MXRA5: variants seen among roughly 807,000 people sequenced by gnomAD.
The protein encoded by MXRA5 is matrix remodeling associated 5.
A neutral mutation model predicts 112.5 loss-of-function variants in MXRA5; 41 were observed. The ratio of observed to expected loss-of-function variants is 0.36; its 90% confidence interval spans 0.28 to 0.47. The LOEUF (loss-of-function observed/expected upper bound fraction) is 0.47. Ranked by LOEUF, MXRA5 falls within the 20% of genes least tolerant of loss-of-function variation. The pLI is 0.99. For missense variants in MXRA5, 2,150 were observed against 2,251.0 expected (o/e 0.96, Z 0.91); for synonymous variants, 862 against 900.8 (o/e 0.96, Z 0.77).
Position 3,317,964 on chromosome X carries a change from T to C in MXRA5, c.5717A>G (p.Glu1906Gly), listed in dbSNP as rs1921197459. 1 of 1,207,303 alleles carries C rather than the reference T, an allele frequency of 8.3e-7. No homozygotes were observed. Reference protein sequence around the residue: ...MTPNTRIQRFEVLKNGTLVIR... With the variant: ...MTPNTRIQRFGVLKNGTLVIR... ...CACTAAGGTACCGTTCTTGAGAACC[T>C]CAAACCGTTGTATCCTGGTATTCGG... is the stretch of plus-strand genomic sequence containing the variant. The change falls in exon 6 of 7, where the codon GAG becomes GGG. Residue 1906 changes from glutamate (E) to glycine (G), a missense_variant. Around this residue, in one of 6 missense-constraint regions of MXRA5, gnomAD observed 1,485 missense variants for 1,471.6 expected, o/e 1.01. Coordinates refer to ENST00000217939, the MANE Select transcript of MXRA5 (RefSeq NM_015419.4).
rs1035250212 is a variant in MXRA5, at chrX:3,321,619, G to A, written c.4066C>T (p.Arg1356Cys). 11 of 1,209,526 alleles carry A rather than the reference G, an allele frequency of 9.1e-6. No individual in the cohort carries two copies. The East Asian group carries it at 1.8e-4, about 20-fold the overall frequency. ...TCTCCCATAGTGGAGACCAAGGAGC[G>A]AGAAGTTGGTATGGCATTAGTAATT... ...ESITNAIPTS[R>C]SLVSTMGEFK... Residue 1356 changes from arginine (R) to cysteine (C), a missense_variant, in exon 5 of 7, where the codon CGC becomes TGC. Physicochemically the swap from Arg to Cys is radical, Grantham distance 180. Coordinates refer to ENST00000217939, the MANE Select transcript of MXRA5 (RefSeq NM_015419.4).
rs768855439 is a variant in MXRA5 at position 3,321,586 on chromosome X, C to A, written c.4099G>T (p.Glu1367Ter). Reference sequence around the variant, plus strand: ...GGAAAGCCTACAGGAGAGGATTCTTCCTTAAATTCTCCCATAGTGGAGACC... The same window carrying A: ...GGAAAGCCTACAGGAGAGGATTCTTACTTAAATTCTCCCATAGTGGAGACC... ...SLVSTMGEFKEESSPVGFPGT... is the reference protein window; with the variant it reads ...SLVSTMGEFK Residue 1367 changes from glutamate to a stop codon, truncating the protein, a stop_gained, in exon 5 of 7, where the codon GAA (glutamate) becomes TAA (stop). Coordinates refer to ENST00000217939, the MANE Select transcript of MXRA5 (RefSeq NM_015419.4). LOFTEE classifies it high-confidence loss of function. The A allele has an allele frequency of 8.3e-7, 1 of 1,210,485 alleles. No individual in the cohort carries two copies.
At chrX:3,345,125 C>G (rs932094925) in intron 1 of MXRA5, among the ~76,000 whole-genome samples, 2 of 111,849 alleles carry the variant, frequency 1.8e-5, no homozygotes, top group Non-Finnish European at 1.9e-5. Flanking sequence ...AAGAGCGAAA[C>G]TCCGTCTCAA....
chrX:3,320,082 T>C lies in MXRA5; in HGVS notation c.5603A>G (p.Glu1868Gly), dbSNP rs1345831889. 1 of 1,209,616 alleles carries C rather than the reference T, an allele frequency of 8.3e-7. No individual in the cohort carries two copies. Among genetic ancestry groups the C allele is most frequent in the Non-Finnish European group, 1.1e-6 (1 of 895,037 alleles). Reference protein sequence around the residue: ...KSPQTVSVTAETDTVFPCEAT... With the variant: ...KSPQTVSVTAGTDTVFPCEAT... ...CTCACAGGGGAACACAGTGTCTGTC[T>C]CAGCGGTGACGGACACAGTCTGTGG... Residue 1868 changes from glutamate (E) to glycine (G), a missense_variant, in exon 5 of 7, where the codon GAG becomes GGG. By Grantham distance (98) the Glu-to-Gly change is moderately conservative (BLOSUM62 -2). This residue lies in a region of MXRA5 where 1,485 missense variants were observed against 1,471.6 expected (regional missense o/e 1.01). Transcript: ENST00000217939.
rs780074694 is a variant in MXRA5 at position 3,330,182 on chromosome X, A to G, written c.545T>C (p.Leu182Pro). The G allele has an allele frequency of 2.5e-6, 3 of 1,208,873 alleles. No homozygotes were observed. Among genetic ancestry groups the G allele is most frequent in the Non-Finnish European group, 3.4e-6 (3 of 894,028 alleles). The change falls in exon 4 of 7, where the codon CTC (leucine) becomes CCC (proline). Residue 182 changes from leucine to proline, a missense_variant. Leu to Pro is a moderately conservative substitution (Grantham distance 98). Transcript: ENST00000217939. The stretch of plus-strand genomic sequence containing the variant: ...TAAGTAGAGGTGCCTTATGGTGGAG[A>G]GTCTGAAATAATCCAAAAATGTGAA... ...STFTFLDYFR[L>P]STIRHLYLAE...
In MXRA5 at chrX:3,330,775, T is replaced by A; in HGVS notation, c.189-2A>T. ...GACAGGGCCTGTATGCTATTAAACC[T>A]AAAGAATGGTAATAATAATAATAAC... On this transcript the variant is annotated splice_acceptor_variant, in intron 2 of 6. Transcript: ENST00000217939. LOFTEE classifies it high-confidence loss of function. 9.1e-7 allele frequency: 1 copy of A among 1,098,377 alleles called. No homozygotes were observed. The highest frequency in any genetic ancestry group is 1.2e-6 in the Non-Finnish European group (1 of 815,042). The allele number at this position is 1,098,377 out of a possible 1,213,427, so 90.5% of individuals were successfully genotyped here. A position where few individuals can be genotyped will look rare whatever the true frequency, so the allele number is the denominator to read the frequency against.
At chrX:3,342,877 A>G (rs1922021192) in intron 2 of MXRA5, among the ~76,000 whole-genome samples, 2 of 112,752 alleles carry the variant, frequency 1.8e-5, no homozygotes, top group South Asian at 7.2e-4. Context: ...GCATTGGCTC[A>G]AATCTGGCCA....
intron 2 of MXRA5, among the ~76,000 whole-genome samples, chrX:3,336,801 G>A (rs760535419): frequency 1.2e-4 from 13 of 112,051 alleles, no homozygotes; most frequent in Non-Finnish European, 2.4e-4. Context: ...TTTTAGAGAT[G>A]GAGAAATCAA....
intron 6 of MXRA5, among the ~76,000 whole-genome samples, 182 bp from the exon 7 acceptor site, chrX:3,311,806 A>G (rs1920993909): frequency 8.9e-6 from 1 of 112,352 alleles, no homozygotes; most frequent in South Asian, 3.7e-4. Context: ...ATTGACTGCA[A>G]ATAAGAACTC....
At chrX:3,337,926 G>T (rs1005494713) in intron 2 of MXRA5, among the ~76,000 whole-genome samples, 1 of 111,864 alleles carries the variant, frequency 8.9e-6, no homozygotes, top group African/African-American at 3.2e-5. Flanking sequence ...GACAGCAAAG[G>T]CTGGGAGAGA....
Position 3,324,204 on chromosome X carries a change from C to T in MXRA5, c.1481G>A (p.Gly494Glu). The T allele has an allele frequency of 8.3e-7, 1 of 1,211,647 alleles. No individual in the cohort carries two copies. The highest frequency in any genetic ancestry group is 1.1e-6 in the Non-Finnish European group (1 of 895,471). The change falls in exon 5 of 7, where the codon GGG becomes GAG. Residue 494 changes from glycine to glutamate, a missense_variant. Coordinates refer to ENST00000217939, the MANE Select transcript of MXRA5 (RefSeq NM_015419.4). Reference sequence around the variant, plus strand: ...GTTGCAGCTCAACTGGCATGGACCCCCTTCCAGGACAGTCTGATCTCTTTG... The same window carrying T: ...GTTGCAGCTCAACTGGCATGGACCCTCTTCCAGGACAGTCTGATCTCTTTG... ...AVQRDQTVLE[G>E]GPCQLSCNVK...
At chrX:3,316,013 G>A (rs12008861) in intron 6 of MXRA5, among the ~76,000 whole-genome samples, 3,702 of 22,003 alleles carry the variant, frequency 0.17, 336 homozygotes, top group African/African-American at 0.49. Flanking sequence ...TTAAGAAGTT[G>A]AGTATTTGTT....
rs768992082 is a variant in MXRA5, at chrX:3,322,754, G to T, written c.2931C>A (p.Tyr977Ter). 1 of 1,209,758 alleles carries T rather than the reference G, an allele frequency of 8.3e-7. No individual in the cohort carries two copies. The highest frequency in any genetic ancestry group is 1.8e-5 in the South Asian group (1 of 56,780). Residue 977 changes from tyrosine to a stop codon, truncating the protein, a stop_gained, in exon 5 of 7, where the codon TAC becomes TAA. Transcript: ENST00000217939. LOFTEE classifies it high-confidence loss of function. ...VSLAESEPMQ[Y>*]FDPDLETKSQ... is the part of the protein sequence containing the mutation. ...ACTTAGTCTCCAAATCTGGGTCAAA[G>T]TATTGCATGGGCTCAGACTCAGCCA... is the stretch of plus-strand genomic sequence containing the variant.
chrX:3,311,305 G>T lies in MXRA5; in HGVS notation c.6898C>A (p.Arg2300Ser), dbSNP rs761832723. The T allele has an allele frequency of 2.5e-6, 3 of 1,211,451 alleles. No individual in the cohort carries two copies. Among genetic ancestry groups the T allele is most frequent in the Middle Eastern group, 2.3e-4 (1 of 4,354 alleles). The stretch of plus-strand genomic sequence containing the variant: ...GTCCCATTGTTGAAGACGACATAGC[G>T]CTTGGTGCGTCCACCGCTGTCATCC... ...QSDDSGGRTK[R>S]YVVFNNGTLY... The change falls in exon 7 of 7, where the codon CGC becomes AGC. Residue 2300 changes from arginine (R) to serine (S), a missense_variant. Around this residue, in one of 6 missense-constraint regions of MXRA5, gnomAD observed 1,485 missense variants for 1,471.6 expected, o/e 1.01. Transcript: ENST00000217939.
chrX:3,341,081 TTATACATAA>T (rs1921916320), intron 2 of MXRA5, among the ~76,000 whole-genome samples: 1 of 70,663 alleles, frequency 1.4e-5, no homozygotes, highest in Non-Finnish European at 2.5e-5. Context: ...ATATATTATA[TTATACATAA>T]TATGTTATAC....
rs760874410 is a variant in MXRA5 at position 3,320,017 on chromosome X, C to T, written c.5668G>A (p.Val1890Ile). Reference sequence around the variant, plus strand: ...TGCTTAAACATCTTACCTGTGGAAACCTTTGTCCAAGTAACGAAAGGCTTT... The same window carrying T: ...TGCTTAAACATCTTACCTGTGGAAATCTTTGTCCAAGTAACGAAAGGCTTT... Reference protein sequence around the residue: ...KPKPFVTWTKVSTGALMTPNT... With the variant: ...KPKPFVTWTKISTGALMTPNT... Residue 1890 changes from valine (V) to isoleucine (I), a missense_variant, in exon 5 of 7, where the codon GTT becomes ATT. Val to Ile is a conservative substitution (Grantham distance 29). Transcript: ENST00000217939. 4 of 1,190,173 alleles carry T rather than the reference C, an allele frequency of 3.4e-6. No homozygotes were observed. Among genetic ancestry groups the T allele is most frequent in the African/African-American group, 3.5e-5 (2 of 56,766 alleles).
intron 2 of MXRA5, among the ~76,000 whole-genome samples, chrX:3,338,121 C>T (rs1458197132): frequency 9.0e-6 from 1 of 111,072 alleles, no homozygotes; most frequent in African/African-American, 3.3e-5. Flanking sequence ...GAACGGAGCC[C>T]AGAAGAAGGA....
chrX:3,310,641 C>T lies in MXRA5; in HGVS notation c.7562G>A (p.Arg2521His), dbSNP rs1245608284. Residue 2521 changes from arginine (R) to histidine (H), a missense_variant, in exon 7 of 7, where the codon CGC (arginine) becomes CAC (histidine). Physicochemically the swap from Arg to His is conservative, Grantham distance 29. Around this residue, in one of 6 missense-constraint regions of MXRA5, gnomAD observed 93 missense variants for 135.5 expected, o/e 0.69. Coordinates refer to ENST00000217939, the MANE Select transcript of MXRA5 (RefSeq NM_015419.4). ...SDSVQLVCMARNEGGEARLIL... is the reference protein window; with the variant it reads ...SDSVQLVCMAHNEGGEARLIL... Reference sequence around the variant, plus strand: ...CAACCTGGCCTCCCCTCCCTCGTTGCGTGCCATGCATACCAGCTGGACGGA... The same window carrying T: ...CAACCTGGCCTCCCCTCCCTCGTTGTGTGCCATGCATACCAGCTGGACGGA... 4.0e-6 allele frequency: 4 copies of T among 1,009,466 alleles called. No homozygotes were observed. The highest frequency in any genetic ancestry group is 4.0e-5 in the South Asian group (2 of 49,854). The allele number at this position is 1,009,466 out of a possible 1,213,427, so 83.2% of individuals were successfully genotyped here. A position where few individuals can be genotyped will look rare whatever the true frequency, so the allele number is the denominator to read the frequency against.
chrX:3,329,972 T>C, intron 4 of MXRA5, 46 bp downstream of exon 4: 1 of 1,155,144 alleles, frequency 8.7e-7, no homozygotes, highest in Non-Finnish European at 1.2e-6. Flanking sequence ...TCCAAAAAGA[T>C]AAAAGAATGT....
Sources: allele counts gnomAD v4.1 joint callset (sites outside exome capture counted in the v4.1 genomes callset), GRCh38; gene constraint gnomAD v4.1.1; regional missense constraint gnomAD v4.1.1; transcripts MANE v1.5; gene names NCBI Gene and HGNC (gene_info 2026-07-23, HGNC 2026-07-21).